USP6NL: variants seen among roughly 807,000 people sequenced by gnomAD.
USP6NL encodes USP6 N-terminal like, also known as USP6 N-terminal-like protein.
A neutral mutation model predicts 61.9 loss-of-function variants in USP6NL; 26 were observed. The ratio of observed to expected loss-of-function variants is 0.42; its 90% CI spans 0.31 to 0.58. The LOEUF is 0.58. USP6NL is among the 20% of genes least tolerant of loss of function. USP6NL has a pLI of 0.16. For synonymous variants in USP6NL, 432 were observed against 390.1 expected, an observed-to-expected ratio of 1.11 and a Z score of -1.27; for missense variants, 1,114 against 1,034.3, an observed-to-expected ratio of 1.08 and a Z score of -1.06.
At chr10:11,475,391 G>A (rs149557281) in intron 14 of USP6NL, among the ~76,000 whole-genome samples, 46 of 151,506 alleles carry the variant, frequency 3.0e-4, no homozygotes, top group Non-Finnish European at 5.9e-4. Flanking sequence ...TCAGGAGTTC[G>A]AGACCAGTCT....
In USP6NL at chr10:11,596,899, A is replaced by C. The variant is rs1384639840; in HGVS notation, c.4+732T>G. On this transcript the variant is annotated intron_variant, in intron 2 of 14. Transcript: ENST00000609104. The surrounding 1 kb of genome is among the most constrained non-coding windows in gnomAD (Gnocchi z 4.1). ...TAATCAATACAAATACTATGTGAAAAACATTTAAACTCTAATATCATCTTC... is the reference window on the plus strand; with the variant it reads ...TAATCAATACAAATACTATGTGAAACACATTTAAACTCTAATATCATCTTC... 6.6e-6 allele frequency among the ~76,000 whole-genome samples: 1 copy of C among 152,160 alleles called. No homozygotes were observed. Among genetic ancestry groups the C allele is most frequent in the African/African-American group, 2.4e-5 (1 of 41,434 alleles).
intron 4 of USP6NL, among the ~76,000 whole-genome samples, chr10:11,522,048 C>T (rs1250968216): frequency 1.3e-5 from 2 of 152,306 alleles, no homozygotes; most frequent in African/African-American, 4.8e-5. Flanking sequence ...GGGGAGAATG[C>T]CTCACTGCTG....
chr10:11,556,930 A>C (rs563770992), intron 2 of USP6NL, among the ~76,000 whole-genome samples: 1 of 152,334 alleles, frequency 6.6e-6, no homozygotes, highest in East Asian at 1.9e-4. Context: ...GTACCAGCCA[A>C]CTGAGGACCT....
Position 11,460,647 on chromosome 10 carries a change from ATATATAT to A in USP6NL, c.*1787_*1793del, listed in dbSNP as rs1566103919. 2.3e-3 allele frequency: 332 copies of A among 145,502 alleles called. 1 individual carries two copies. Among genetic ancestry groups the A allele is most frequent in the African/African-American group, 8.1e-3 (320 of 39,560 alleles). 9.0% of individuals were successfully genotyped at this position (145,502 alleles called of 1,614,324 possible). On this transcript the variant is annotated 3_prime_UTR_variant, in exon 15 of 15. Coordinates refer to ENST00000609104, the MANE Select transcript of USP6NL (RefSeq NM_014688.5). ...TGCATATATATATATATATATATAT[ATATATAT>A]AAAAATCTACAGTATTTACCACTGT...
At position 11,476,074 on chromosome 10, in the gene USP6NL, G is replaced by A. The variant is rs1215605669; in HGVS notation, c.1078+5696C>T. On this transcript the variant is annotated intron_variant, in intron 14 of 14. Coordinates refer to ENST00000609104, the MANE Select transcript of USP6NL (RefSeq NM_014688.5). This position sits in a 1 kb window ranked among gnomAD's most constrained non-coding sequence, Gnocchi z 4.3. ...TTCAGAGGAAAACAAAAGGTGGGGT[G>A]AAGAGGGGGGAAGAGGAAAGGTGTA... Among the ~76,000 whole-genome samples the A allele has an allele frequency of 1.3e-5, 2 of 152,102 alleles. No individual in the cohort carries two copies. The highest frequency in any genetic ancestry group is 2.9e-5 in the Non-Finnish European group (2 of 68,010).
intron 2 of USP6NL, among the ~76,000 whole-genome samples, chr10:11,577,694 A>G (rs973682737): frequency 1.3e-5 from 2 of 151,326 alleles, no homozygotes; most frequent in Non-Finnish European, 2.9e-5. Flanking sequence ...ACAGGGTTTC[A>G]CCATGTTGGT....
intron 2 of USP6NL, among the ~76,000 whole-genome samples, chr10:11,533,209 T>C (rs946793062): frequency 1.3e-5 from 2 of 152,194 alleles, no homozygotes; most frequent in Non-Finnish European, 2.9e-5. Flanking sequence ...ATTAGACTGG[T>C]GCCAAAGTTC....
intron 1 of USP6NL, among the ~76,000 whole-genome samples, chr10:11,608,735 C>A (rs749851292): frequency 2.0e-5 from 3 of 152,146 alleles, no homozygotes; most frequent in Non-Finnish European, 2.9e-5. Flanking sequence ...AGAAGGCACT[C>A]AAAAAATAAT....
intron 14 of USP6NL, among the ~76,000 whole-genome samples, chr10:11,466,746 T>G (rs1832471965): frequency 1.3e-5 from 2 of 152,192 alleles, no homozygotes; most frequent in Non-Finnish European, 2.9e-5. Context: ...CACAGCCTAC[T>G]GCACACCGAG....
chr10:11,467,145 T>A (rs913701364), intron 14 of USP6NL, among the ~76,000 whole-genome samples: 4 of 152,202 alleles, frequency 2.6e-5, no homozygotes, highest in Non-Finnish European at 5.9e-5. Flanking sequence ...TCCAAGTGAC[T>A]GGTAACAAGT....
intron 2 of USP6NL, among the ~76,000 whole-genome samples, chr10:11,551,888 G>A (rs530388533): frequency 6.6e-6 from 1 of 152,258 alleles, no homozygotes; most frequent in East Asian, 1.9e-4. Flanking sequence ...GTTTTGTTAA[G>A]CAGAGACAGT....
At position 11,489,237 on chromosome 10, in the gene USP6NL, G is replaced by A; in HGVS notation, c.544-15C>T. 1 of 1,613,008 alleles carries A rather than the reference G, an allele frequency of 6.2e-7. No homozygotes were observed. Among genetic ancestry groups the A allele is most frequent in the African/African-American group, 1.3e-5 (1 of 75,002 alleles). Reference sequence around the variant, plus strand: ...TACCCGACTTCCTGGGGAGCAAAGGGGAACACAGAAGCTGGGGAGTTCAGT... The same window carrying A: ...TACCCGACTTCCTGGGGAGCAAAGGAGAACACAGAAGCTGGGGAGTTCAGT... On this transcript the variant is annotated splice_polypyrimidine_tract_variant and intron_variant, in intron 9 of 14. Coordinates refer to ENST00000609104, the MANE Select transcript of USP6NL (RefSeq NM_014688.5). This position sits in a 1 kb window ranked among gnomAD's most constrained non-coding sequence, Gnocchi z 5.7.
In USP6NL at chr10:11,485,856, T is replaced by C. The variant is rs750602971; in HGVS notation, c.720A>G (p.Lys240=). Residue 240 remains lysine (K), a synonymous_variant, in exon 11 of 15, where the codon AAA becomes AAG. Transcript: ENST00000609104. The surrounding 1 kb of genome is among the most constrained non-coding windows in gnomAD (Gnocchi z 4.8). ...KLLRFQEHHE[K]ILNKFLSKLK... is the part of the protein sequence containing the mutation. ...GCTTGGACAGAAATTTGTTCAGTAT[T>C]TTTTCATGATGTTCTTGAAACCTCA... The C allele has an allele frequency of 3.2e-6, 5 of 1,556,862 alleles. No homozygotes were observed. In the East Asian group the frequency reaches 9.5e-5, roughly 29 times the overall value.
At chr10:11,519,079 G>C (rs764398260) in intron 4 of USP6NL, among the ~76,000 whole-genome samples, 23 of 152,054 alleles carry the variant, frequency 1.5e-4, no homozygotes, top group Non-Finnish European at 3.1e-4. Flanking sequence ...CGATAGCTCT[G>C]ATGTTGTAGT....
intron 2 of USP6NL, among the ~76,000 whole-genome samples, chr10:11,568,786 T>G (rs11257175): frequency 6.6e-6 from 1 of 152,130 alleles, no homozygotes; most frequent in Non-Finnish European, 1.5e-5. Flanking sequence ...CATTACTCCA[T>G]GAATTGCACT....
chr10:11,464,132 G>A (rs533883295), intron 14 of USP6NL, among the ~76,000 whole-genome samples: 6 of 152,276 alleles, frequency 3.9e-5, no homozygotes, highest in South Asian at 2.1e-4. Context: ...GCAAGGAGGC[G>A]GTCCTCTGAG....
intron 3 of USP6NL, among the ~76,000 whole-genome samples, chr10:11,526,998 T>C (rs1835448129): frequency 6.6e-6 from 1 of 152,174 alleles, no homozygotes; most frequent in Non-Finnish European, 1.5e-5. Flanking sequence ...TAGTCAAGTA[T>C]TTATTGAGTG....
Position 11,470,245 on chromosome 10 carries a change from T to C in USP6NL, c.1079-6396A>G, listed in dbSNP as rs527685077. Among the ~76,000 whole-genome samples the C allele has an allele frequency of 2.7e-4, 41 of 152,214 alleles. No homozygotes were observed. Among genetic ancestry groups the C allele is most frequent in the African/African-American group, 9.6e-4 (40 of 41,544 alleles). On this transcript the variant is annotated intron_variant, in intron 14 of 14. Transcript: ENST00000609104. This position sits in a 1 kb window ranked among gnomAD's most constrained non-coding sequence, Gnocchi z 5.4. ...GCATGAGGATGGAGAAGGTGGAGGATGGAGGCAGCCGCAGGGAACCTCATG... is the reference window on the plus strand; with the variant it reads ...GCATGAGGATGGAGAAGGTGGAGGACGGAGGCAGCCGCAGGGAACCTCATG...
rs1409641894 is a variant in USP6NL, at chr10:11,595,712, C to T, written c.4+1919G>A. Among the ~76,000 whole-genome samples the T allele has an allele frequency of 6.6e-6, 1 of 152,070 alleles. No individual in the cohort carries two copies. Among genetic ancestry groups the T allele is most frequent in the African/African-American group, 2.4e-5 (1 of 41,402 alleles). ...TCCATCAGAATGTGCCTGCAAATTA[C>T]AGAACATGATGAAAATATCAACAAT... On this transcript the variant is annotated intron_variant, in intron 2 of 14. Transcript: ENST00000609104. The surrounding 1 kb of genome is among the most constrained non-coding windows in gnomAD (Gnocchi z 5.3).
Sources: gnomAD v4.1 joint callset for allele counts (sites outside exome capture counted in the v4.1 genomes callset) on GRCh38, gnomAD v4.1.1 for gene constraint, Gnocchi (gnomAD v3.1) non-coding constraint, MANE v1.5 for transcripts, NCBI Gene and HGNC (gene_info 2026-07-23, HGNC 2026-07-21) for gene names.